WDR41: variants seen among roughly 807,000 people sequenced by gnomAD.
The protein encoded by WDR41 is WD repeat domain 41.
Under a neutral mutation model 69.3 loss-of-function variants are expected in WDR41, and 63 were observed. That is an observed-to-expected ratio of 0.91 (90% CI 0.74 to 1.12). The LOEUF (loss-of-function observed/expected upper bound fraction) is 1.12. WDR41 is among the 50% of genes most tolerant of loss of function. WDR41 has a pLI of 0.00. For missense variants in WDR41, 543 were observed against 534.5 expected (o/e 1.02, Z -0.16); for synonymous variants, 185 against 192.1 (o/e 0.96, Z 0.31).
chr5:77,487,426 CA>C (rs911239301), intron 2 of WDR41, among the ~76,000 whole-genome samples: 1 of 151,292 alleles, frequency 6.6e-6, no homozygotes, highest in Non-Finnish European at 1.5e-5. Context: ...GTAACATTGC[CA>C]AAAAAAAGGC....
rs1311170757 is a variant in WDR41, at chr5:77,556,927, A to G, written c.42+63552T>C. ...TTGAACTTCTCCTTGGCACCAAGGG[A>G]GGGGGCACCTGGGGTTTCTAATCAG... On this transcript the variant is annotated intron_variant, in intron 1 of 5. Transcript: ENST00000509971. 2.0e-5 allele frequency among the ~76,000 whole-genome samples: 3 copies of G among 151,952 alleles called. No homozygotes were observed. The East Asian group carries it at 5.8e-4, about 29-fold the overall frequency.
chr5:77,470,973 A>G (rs1474398147), intron 2 of WDR41, among the ~76,000 whole-genome samples: 1 of 152,208 alleles, frequency 6.6e-6, no homozygotes, highest in Non-Finnish European at 1.5e-5. Context: ...CAGAATATAC[A>G]TTCTTCTCAG....
At chr5:77,620,458 C>T (rs1744759676) in intron 1 of WDR41, 1 of 455,762 alleles carries the variant, frequency 2.2e-6, no homozygotes, top group African/African-American at 2.0e-5. Flanking sequence ...AAGCTGAAGT[C>T]CCAACAAAAA....
intron 1 of WDR41, among the ~76,000 whole-genome samples, chr5:77,522,523 C>A (rs752563943): frequency 6.6e-6 from 1 of 151,934 alleles, no homozygotes; most frequent in Non-Finnish European, 1.5e-5. Flanking sequence ...ACCTGTAGTC[C>A]CATCTACTCA....
chr5:77,576,098 T>C (rs1743826893), intron 1 of WDR41, among the ~76,000 whole-genome samples: 2 of 152,210 alleles, frequency 1.3e-5, no homozygotes, highest in Non-Finnish European at 2.9e-5. Flanking sequence ...CTTCATAGCA[T>C]GTCTTACACA....
chr5:77,615,254 G>A (rs1033410228), intron 1 of WDR41, among the ~76,000 whole-genome samples: 2 of 152,132 alleles, frequency 1.3e-5, no homozygotes, highest in Non-Finnish European at 2.9e-5. Flanking sequence ...AGACATTTTT[G>A]AAATAGTCAA....
intron 1 of WDR41, among the ~76,000 whole-genome samples, chr5:77,541,694 T>C (rs532203709): frequency 6.6e-6 from 1 of 152,078 alleles, no homozygotes; most frequent in South Asian, 2.1e-4. Flanking sequence ...GGTTTTGCCA[T>C]GTTGGCCAGG....
In WDR41 at chr5:77,463,238, A is replaced by G. The variant is rs1231168752; in HGVS notation, c.217-12T>C. 1.9e-6 allele frequency: 3 copies of G among 1,600,352 alleles called. No individual in the cohort carries two copies. The highest frequency in any genetic ancestry group is 3.6e-5 in the Admixed American group (2 of 56,162). On this transcript the variant is annotated splice_polypyrimidine_tract_variant and intron_variant, in intron 3 of 12. Transcript: ENST00000296679. ...AGTTTTTCCCCTGTCTGAAATACCA[A>G]TAAAAATGTTAATAGGCTTAGCTTT...
At chr5:77,461,213 T>C (rs1800036936) in intron 4 of WDR41, among the ~76,000 whole-genome samples, 2 of 152,314 alleles carry the variant, frequency 1.3e-5, no homozygotes, top group East Asian at 1.9e-4. Flanking sequence ...AGAGTAGTAA[T>C]AAAGCAACTC....
chr5:77,556,808 G>A (rs1446447741), intron 1 of WDR41, among the ~76,000 whole-genome samples: 1 of 152,152 alleles, frequency 6.6e-6, no homozygotes, highest in Non-Finnish European at 1.5e-5. Context: ...AACAGGACAG[G>A]CATCCAAGCC....
rs149122775 is a variant in WDR41 at position 77,437,207 on chromosome 5, A to G, written c.1093+129T>C. The G allele has an allele frequency of 2.1e-3, 1,570 of 764,592 alleles. 15 individuals carry two copies. The highest frequency in any genetic ancestry group is 1.5e-3 in the Non-Finnish European group (680 of 450,702). 47.4% of individuals were successfully genotyped at this position (764,592 alleles called of 1,614,324 possible). A position where few individuals can be genotyped will look rare whatever the true frequency, so the allele number is the denominator to read the frequency against. ...AGATCTCAATTACCATATGCTTTCT[A>G]TAAACATCTGATGCCTATTTGGAGC... On this transcript the variant is annotated intron_variant, in intron 11 of 12. Transcript: ENST00000296679.
At chr5:77,589,111 T>C (rs1744091149) in intron 1 of WDR41, among the ~76,000 whole-genome samples, 1 of 152,194 alleles carries the variant, frequency 6.6e-6, no homozygotes. Context: ...AATTCAAATT[T>C]TTCAATGCTA....
At chr5:77,577,113 G>A (rs1308085925) in intron 1 of WDR41, among the ~76,000 whole-genome samples, 2 of 152,134 alleles carry the variant, frequency 1.3e-5, no homozygotes, top group African/African-American at 2.4e-5. Context: ...TGCCTTCTGT[G>A]TTCTAAATTT....
chr5:77,558,218 A>G (rs1490339431), intron 1 of WDR41, among the ~76,000 whole-genome samples: 1 of 152,130 alleles, frequency 6.6e-6, no homozygotes, highest in African/African-American at 2.4e-5. Flanking sequence ...TTGTATAAAG[A>G]AAAATCATTG....
At chr5:77,525,059 C>G (rs1802425814) in intron 1 of WDR41, among the ~76,000 whole-genome samples, 1 of 152,138 alleles carries the variant, frequency 6.6e-6, no homozygotes. Flanking sequence ...TTTAAAACTA[C>G]AGCTAAATGA....
intron 1 of WDR41, among the ~76,000 whole-genome samples, chr5:77,502,620 G>A (rs183901398): frequency 3.9e-4 from 59 of 152,334 alleles, no homozygotes; most frequent in African/African-American, 1.4e-3. Context: ...CAGCCAGAGA[G>A]AAAGGTCCAG....
intron 1 of WDR41, among the ~76,000 whole-genome samples, chr5:77,519,586 T>G (rs1802342653): frequency 6.6e-6 from 1 of 152,034 alleles, no homozygotes; most frequent in Non-Finnish European, 1.5e-5. Flanking sequence ...TAGTTTCTTG[T>G]GAAACTTGTA....
At chr5:77,617,168 C>T (rs537640259) in intron 1 of WDR41, among the ~76,000 whole-genome samples, 44 of 152,290 alleles carry the variant, frequency 2.9e-4, no homozygotes, top group African/African-American at 1.0e-3. Context: ...TAGCCACAAG[C>T]CACATGTGGG....
chr5:77,475,168 G>T (rs901709701), intron 2 of WDR41, among the ~76,000 whole-genome samples: 1 of 152,166 alleles, frequency 6.6e-6, no homozygotes, highest in Non-Finnish European at 1.5e-5. Context: ...AGGGTCCTAC[G>T]CCCACAGAGT....
Sources: allele counts gnomAD v4.1 joint callset (sites outside exome capture counted in the v4.1 genomes callset), GRCh38; gene constraint gnomAD v4.1.1; transcripts MANE v1.5; gene names NCBI Gene and HGNC (gene_info 2026-07-23, HGNC 2026-07-21).